Variants in AOX1 observed in about 807,000 individuals in gnomAD.
AOX1 encodes the protein aldehyde oxidase.
In AOX1, 153 loss-of-function variants were observed where a neutral mutation model predicts 169.5. That is an observed-to-expected ratio of 0.90 (90% CI 0.79 to 1.03). The LOEUF (loss-of-function observed/expected upper bound fraction) is 1.03, where lower values mean the gene tolerates loss of function less well. Among genes scored for constraint, AOX1 ranks in the 50% least tolerant of loss-of-function variants. The pLI is 0.00. For missense variants in AOX1, 1,656 were observed against 1,663.9 expected (o/e 1.00, Z 0.08); for synonymous variants, 562 against 581.9 (o/e 0.97, Z 0.49).
chr2:200,595,834 C>T (rs1447572047), intron 3 of AOX1, among the ~76,000 whole-genome samples: 2 of 152,232 alleles, frequency 1.3e-5, no homozygotes, highest in South Asian at 2.1e-4. Flanking sequence ...AACTTATCTC[C>T]TTCCTCCCAT....
rs1018487530 is a variant in AOX1 at position 200,635,017 on chromosome 2, T to C, written c.2346+102T>C. The C allele has an allele frequency of 7.9e-5, 115 of 1,450,964 alleles. No homozygotes were observed. The South Asian group carries it at 1.4e-3, about 18-fold the overall frequency. The allele number at this position is 1,450,964 out of a possible 1,614,324, so 89.9% of individuals were successfully genotyped here. ...TAAAAGTATATTTGGGAATTTGAGG[T>C]GGGGGGATTGCTTGAACCCAGGAGC... On this transcript the variant is annotated intron_variant, in intron 21 of 34. Coordinates refer to ENST00000374700, the MANE Select transcript of AOX1 (RefSeq NM_001159.4).
In AOX1 at chr2:200,620,964, G is replaced by A. The variant is rs879131096; in HGVS notation, c.1874+145G>A. On this transcript the variant is annotated intron_variant, in intron 17 of 34. Coordinates refer to ENST00000374700, the MANE Select transcript of AOX1 (RefSeq NM_001159.4). Reference sequence around the variant, plus strand: ...AGAGGTGAAACAGGATCGAAATGTAGGATTTACTACAACTTCGTTGTCCCA... The same window carrying A: ...AGAGGTGAAACAGGATCGAAATGTAAGATTTACTACAACTTCGTTGTCCCA... The A allele has an allele frequency of 1.9e-5, 25 of 1,306,810 alleles. No individual in the cohort carries two copies. The South Asian group carries it at 3.5e-4, about 18-fold the overall frequency. The allele number at this position is 1,306,810 out of a possible 1,614,324, so 81.0% of individuals were successfully genotyped here.
At position 200,671,182 on chromosome 2, in the gene AOX1, C is replaced by G. The variant is rs1196282698; in HGVS notation, c.*503C>G. 1.3e-5 allele frequency: 2 copies of G among 152,270 alleles called. No individual in the cohort carries two copies. The highest frequency in any genetic ancestry group is 2.9e-5 in the Non-Finnish European group (2 of 68,148). 9.4% of individuals were successfully genotyped at this position (152,270 alleles called of 1,614,324 possible). ...CCAAAGAAAAAATAGCGAACTTTCA[C>G]CAAAGTTTTCATGAAAACCCAAAAG... On this transcript the variant is annotated 3_prime_UTR_variant, in exon 35 of 35. Transcript: ENST00000374700.
chr2:200,636,663 A>G (rs955856429), intron 21 of AOX1, among the ~76,000 whole-genome samples: 2 of 152,214 alleles, frequency 1.3e-5, no homozygotes, highest in African/African-American at 4.8e-5. Flanking sequence ...ATTATAGCCA[A>G]GTATTGCTGA....
chr2:200,599,846 G>T (rs543181814), intron 5 of AOX1, 100 bp downstream of exon 5: 1 of 991,520 alleles, frequency 1.0e-6, no homozygotes, highest in Middle Eastern at 3.6e-4. Flanking sequence ...GGGCGGCGGC[G>T]CAATCTTGGC....
intron 10 of AOX1, among the ~76,000 whole-genome samples, chr2:200,606,649 T>A (rs2105702382): frequency 6.6e-6 from 1 of 152,314 alleles, no homozygotes; most frequent in East Asian, 1.9e-4. Flanking sequence ...GTGTCCTCTC[T>A]TATTTCCTTA....
downstream of AOX1, among the ~76,000 whole-genome samples, chr2:200,679,684 C>T (rs2036137466): frequency 6.6e-6 from 1 of 151,840 alleles, no homozygotes; most frequent in African/African-American, 2.4e-5. Flanking sequence ...CACTTCAGAC[C>T]ATCTCATTGC....
At chr2:200,657,780 T>C (rs1180870418) in intron 27 of AOX1, among the ~76,000 whole-genome samples, 1 of 152,334 alleles carries the variant, frequency 6.6e-6, no homozygotes, top group East Asian at 1.9e-4. Context: ...ATAGTAACAT[T>C]ATAGATTATA....
rs369652320 is a variant in AOX1, at chr2:200,603,758, C to T, written c.589-259C>T. On this transcript the variant is annotated intron_variant, in intron 7 of 34. Transcript: ENST00000374700. ...CCAGCTGTGTCTGCGGCTGCTGCCT[C>T]CTCTTCTACTGTCCCCAGACTCCAA... Among the ~76,000 whole-genome samples the T allele has an allele frequency of 3.3e-5, 5 of 152,146 alleles. No individual in the cohort carries two copies. In the East Asian group the frequency reaches 9.6e-4, roughly 29 times the overall value.
At chr2:200,669,881 A>T in intron 34 of AOX1, 139 bp downstream of exon 34, 1 of 883,160 alleles carries the variant, frequency 1.1e-6, no homozygotes, top group Non-Finnish European at 1.7e-6. Context: ...GGGGCATTTG[A>T]GCAGATGTGC....
chr2:200,664,798 T>A (rs566151226), intron 31 of AOX1, among the ~76,000 whole-genome samples: 1 of 152,330 alleles, frequency 6.6e-6, no homozygotes, highest in East Asian at 1.9e-4. Flanking sequence ...TGAACCTACA[T>A]CTAAATATCA....
rs745607427 is a variant in AOX1 at position 200,613,003 on chromosome 2, C to CGTGTGTGTGTGTGT, written c.1448+222_1448+235dup. Among the ~76,000 whole-genome samples the CGTGTGTGTGTGTGT allele has an allele frequency of 4.8e-4, 69 of 144,222 alleles. 1 individual carries two copies. The South Asian group carries it at 0.014, about 30-fold the overall frequency. The allele number at this position is 144,222 out of a possible 152,430, so 94.6% of individuals were successfully genotyped here. ...AAGTGGGAATTATATACTCTGTGTG[C>CGTGTGTGTGTGTGT]GTGTGTGTGTGTGTGTGTGTGTGTG... On this transcript the variant is annotated intron_variant, in intron 14 of 34. Coordinates refer to ENST00000374700, the MANE Select transcript of AOX1 (RefSeq NM_001159.4).
chr2:200,613,329 C>T (rs932740400), intron 14 of AOX1, among the ~76,000 whole-genome samples: 9 of 152,166 alleles, frequency 5.9e-5, no homozygotes, highest in African/African-American at 2.2e-4. Flanking sequence ...CCTCTGTTAA[C>T]TCCTCCATGC....
chr2:200,592,973 T>A (rs1441983354), intron 1 of AOX1, among the ~76,000 whole-genome samples, 173 bp from the exon 2 acceptor site: 7 of 152,184 alleles, frequency 4.6e-5, no homozygotes, highest in Admixed American at 1.3e-4. Flanking sequence ...GGCTCAAGAT[T>A]ACACATAAGA....
intron 27 of AOX1, among the ~76,000 whole-genome samples, chr2:200,657,188 ATAT>A (rs1375648173): frequency 2.5e-4 from 17 of 68,580 alleles, no homozygotes; most frequent in African/African-American, 1.1e-3. Flanking sequence ...ATATATATAT[ATAT>A]TTTTTTTTTT....
Position 200,656,888 on chromosome 2 carries a change from C to T in AOX1, c.3122C>T (p.Thr1041Ile). The change falls in exon 27 of 35, where the codon ACT (threonine) becomes ATT (isoleucine). Residue 1041 changes from threonine (T) to isoleucine (I), a missense_variant. Transcript: ENST00000374700. ...HIYLDGSVLV[T>I]HGGIEMGQGV... is the part of the protein sequence containing the mutation. The stretch of plus-strand genomic sequence containing the variant: ...TATCTTGATGGCTCTGTGCTGGTCA[C>T]TCACGGTGGAATTGAAATGGGGCAG... 6.3e-7 allele frequency: 1 copy of T among 1,584,310 alleles called. No individual in the cohort carries two copies. Among genetic ancestry groups the T allele is most frequent in the Non-Finnish European group, 8.6e-7 (1 of 1,164,442 alleles).
chr2:200,611,696 C>T (rs950053068), intron 13 of AOX1, among the ~76,000 whole-genome samples: 61 of 140,374 alleles, frequency 4.3e-4, no homozygotes, highest in Admixed American at 1.8e-3. Flanking sequence ...TATCATTCCT[C>T]GAATTAGGAG....
intron 23 of AOX1, among the ~76,000 whole-genome samples, chr2:200,640,650 T>C (rs1480548408): frequency 6.6e-6 from 1 of 152,008 alleles, no homozygotes; most frequent in Non-Finnish European, 1.5e-5. Context: ...ATGCTGGGGG[T>C]AGAAGTGACA....
Position 200,611,410 on chromosome 2 carries a change from G to A in AOX1, c.1180G>A (p.Glu394Lys), listed in dbSNP as rs764650577. ...KEGKRQIPLN[E>K]QFLSKCPNAD... ...AGGAAAACGACAGATTCCTTTAAAT[G>A]AGCAATTCCTCAGCAAGTGCCCTAA... The change falls in exon 13 of 35, where the codon GAG becomes AAG. Residue 394 changes from glutamate (E) to lysine (K), a missense_variant. Glu to Lys is a moderately conservative substitution (Grantham distance 56, BLOSUM62 1). Transcript: ENST00000374700. 5.0e-6 allele frequency: 8 copies of A among 1,613,556 alleles called. No homozygotes were observed. The highest frequency in any genetic ancestry group is 5.9e-6 in the Non-Finnish European group (7 of 1,179,706).
Sources: allele counts gnomAD v4.1 joint callset (sites outside exome capture counted in the v4.1 genomes callset), GRCh38; gene constraint gnomAD v4.1.1; transcripts MANE v1.5; gene names NCBI Gene and HGNC (gene_info 2026-07-23, HGNC 2026-07-21).